The following AKR1C4 variants were observed in gnomAD, a reference collection of about 807,000 sequenced individuals.
AKR1C4 encodes the protein aldo-keto reductase family 1 member C4.
AKR1C4 carries 44 observed loss-of-function variants against 41.0 expected under a neutral mutation model. That is an observed-to-expected ratio of 1.07 (90% confidence interval 0.84 to 1.38). The LOEUF (loss-of-function observed/expected upper bound fraction) is 1.38, where lower values mean the gene tolerates loss of function less well. Ranked by LOEUF, AKR1C4 falls within the 40% of genes most tolerant of loss-of-function variation. The pLI is 0.00. For missense variants in AKR1C4, 438 were observed against 387.9 expected, an observed-to-expected ratio of 1.13 and a Z score of -1.09; for synonymous variants, 165 against 137.7, an observed-to-expected ratio of 1.20 and a Z score of -1.39.
intron 1 of AKR1C4, among the ~76,000 whole-genome samples, chr10:5,197,232 A>C (rs1489510219): frequency 6.6e-6 from 1 of 152,248 alleles, no homozygotes; most frequent in Admixed American, 6.5e-5. Flanking sequence ...TATAAAACTC[A>C]ACAGTGAAGA....
intron 5 of AKR1C4, 42 bp from the exon 6 acceptor site, chr10:5,212,574 G>C: frequency 6.5e-7 from 1 of 1,531,748 alleles, no homozygotes; most frequent in East Asian, 2.3e-5. Flanking sequence ...TAACATATCT[G>C]TTTTGAATTA....
chr10:5,198,885 C>T (rs112543235), intron 1 of AKR1C4, among the ~76,000 whole-genome samples: 3 of 146,870 alleles, frequency 2.0e-5, no homozygotes, highest in African/African-American at 7.6e-5. Flanking sequence ...GTCTGTGGTC[C>T]TAGCTATTTG....
At chr10:5,214,786 C>A (rs1832632487) in intron 7 of AKR1C4, among the ~76,000 whole-genome samples, 1 of 151,742 alleles carries the variant, frequency 6.6e-6, no homozygotes, top group East Asian at 1.9e-4. Flanking sequence ...TTATTCTTTT[C>A]CTCTCATTCT....
At chr10:5,205,630 C>A in intron 3 of AKR1C4, 127 bp from the exon 4 acceptor site, 1 of 663,972 alleles carries the variant, frequency 1.5e-6, no homozygotes, top group Non-Finnish European at 2.5e-6. Flanking sequence ...AACACTTGGC[C>A]CACATCACTT....
rs1282206569 is a variant in AKR1C4 at position 5,212,666 on chromosome 10, G to A, written c.621G>A (p.Lys207=). 6 of 1,613,804 alleles carry A rather than the reference G, an allele frequency of 3.7e-6. No homozygotes were observed. Among genetic ancestry groups the A allele is most frequent in the Non-Finnish European group, 5.1e-6 (6 of 1,179,984 alleles). Residue 207 remains lysine (K), a synonymous_variant, in exon 6 of 9, where the codon AAG becomes AAA. Transcript: ENST00000263126. Reference sequence around the variant, plus strand: ...AGAGCAAACTGCTGGATTTCTGCAAGTCAAAAGACATTGTTCTGGTTGCCC... The same window carrying A: ...AGAGCAAACTGCTGGATTTCTGCAAATCAAAAGACATTGTTCTGGTTGCCC... ...LNQSKLLDFC[K]SKDIVLVAHS...
Position 5,204,363 on chromosome 10 carries a change from A to AT in AKR1C4, c.253-10dup, listed in dbSNP as rs1554797238. 6.4e-7 allele frequency: 1 copy of AT among 1,574,156 alleles called. No homozygotes were observed. The highest frequency in any genetic ancestry group is 1.7e-5 in the Admixed American group (1 of 58,548). ...TGTTTTTATTCAACATAAATCCTTT[A>AT]TTTTACCATGCAGCTTTGGTGCACT... On this transcript the variant is annotated splice_polypyrimidine_tract_variant and intron_variant, in intron 2 of 8. Transcript: ENST00000263126.
chr10:5,198,014 T>C (rs1832337865), intron 1 of AKR1C4, among the ~76,000 whole-genome samples: 1 of 152,210 alleles, frequency 6.6e-6, no homozygotes, highest in African/African-American at 2.4e-5. Flanking sequence ...TATATTAAAA[T>C]AGAAAATTGT....
Position 5,209,524 on chromosome 10 carries a change from C to T in AKR1C4, c.571-3092C>T, listed in dbSNP as rs147380807. 2.7e-4 allele frequency among the ~76,000 whole-genome samples: 41 copies of T among 152,128 alleles called. 1 individual carries two copies. Among genetic ancestry groups the T allele is most frequent in the Middle Eastern group, 3.4e-3 (1 of 294 alleles). On this transcript the variant is annotated intron_variant, in intron 5 of 8. Transcript: ENST00000263126. ...AGAAAAAAAATTACTGTAATAATCA[C>T]TATATTAGTCCATTTTCATGCTACT...
At chr10:5,213,212 G>A in intron 7 of AKR1C4, 53 bp downstream of exon 7, 2 of 1,599,410 alleles carry the variant, frequency 1.3e-6, no homozygotes, top group Admixed American at 3.4e-5. Flanking sequence ...TCACACGTGT[G>A]CTTCTTGTAA....
intron 8 of AKR1C4, among the ~76,000 whole-genome samples, chr10:5,217,175 A>C (rs1832668848): frequency 6.6e-6 from 1 of 152,222 alleles, no homozygotes; most frequent in African/African-American, 2.4e-5. Context: ...TTTCTTCCAA[A>C]TCCACTCAGT....
At chr10:5,216,634 T>C in intron 7 of AKR1C4, 77 bp from the exon 8 acceptor site, 1 of 1,042,692 alleles carries the variant, frequency 9.6e-7, no homozygotes, top group South Asian at 1.4e-5. Flanking sequence ...CTCTACACCC[T>C]ACTGTGTGAT....
At chr10:5,200,541 A>G (rs782612028) in intron 2 of AKR1C4, among the ~76,000 whole-genome samples, 193 bp downstream of exon 2, 4 of 152,218 alleles carry the variant, frequency 2.6e-5, no homozygotes, top group African/African-American at 9.6e-5. Context: ...GTTGTGTTCA[A>G]ATTTACTACT....
In AKR1C4 at chr10:5,200,719, C is replaced by T. The variant is rs141399661; in HGVS notation, c.252+371C>T. 4.0e-3 allele frequency among the ~76,000 whole-genome samples: 609 copies of T among 152,294 alleles called. 4 individuals are homozygous for T. Among genetic ancestry groups the T allele is most frequent in the Middle Eastern group, 0.01 (3 of 294 alleles). ...GTGAAGCTGTCAGGCGATCACTGGA[C>T]ATCGTACTCACTATGTAGGCTTTTA... is the stretch of plus-strand genomic sequence containing the variant. On this transcript the variant is annotated intron_variant, in intron 2 of 8. Coordinates refer to ENST00000263126, the MANE Select transcript of AKR1C4 (RefSeq NM_001818.5).
intron 5 of AKR1C4, among the ~76,000 whole-genome samples, chr10:5,207,002 G>A (rs368712279): frequency 3.0e-4 from 45 of 152,220 alleles, no homozygotes; most frequent in African/African-American, 9.9e-4. Flanking sequence ...AGGATGTGGC[G>A]TGCTACCCCC....
In AKR1C4 at chr10:5,212,806, T is replaced by C. The variant is rs1010734365; in HGVS notation, c.680+81T>C. On this transcript the variant is annotated intron_variant, in intron 6 of 8. Transcript: ENST00000263126. Reference sequence around the variant, plus strand: ...TTATAGCATACTCAGTCTCCTAGAGTTCATTCTCAATGGGTCAGGGTAAGG... The same window carrying C: ...TTATAGCATACTCAGTCTCCTAGAGCTCATTCTCAATGGGTCAGGGTAAGG... 4.7e-6 allele frequency: 7 copies of C among 1,481,782 alleles called. No individual in the cohort carries two copies. In the African/African-American group the frequency reaches 7.0e-5, roughly 15 times the overall value. The allele number at this position is 1,481,782 out of a possible 1,614,324, so 91.8% of individuals were successfully genotyped here.
At chr10:5,209,411 ATT>A (rs113847472) in intron 5 of AKR1C4, among the ~76,000 whole-genome samples, 23 of 152,236 alleles carry the variant, frequency 1.5e-4, no homozygotes, top group African/African-American at 5.1e-4. Context: ...TTATAAAAAA[ATT>A]TTTTTCACAA....
intron 4 of AKR1C4, among the ~76,000 whole-genome samples, chr10:5,206,045 A>G (rs1554797447): frequency 6.6e-6 from 1 of 152,212 alleles, no homozygotes; most frequent in Non-Finnish European, 1.5e-5. Flanking sequence ...AGGAAGACAG[A>G]TATTCCTCCC....
intron 1 of AKR1C4, 87 bp from the exon 2 acceptor site, chr10:5,200,094 C>A: frequency 6.6e-7 from 1 of 1,523,854 alleles, no homozygotes; most frequent in Non-Finnish European, 8.9e-7. Flanking sequence ...CCCCACTGCA[C>A]ACCCTGTGAG....
At chr10:5,197,474 C>T (rs1445557247) in intron 1 of AKR1C4, among the ~76,000 whole-genome samples, 3 of 152,112 alleles carry the variant, frequency 2.0e-5, no homozygotes, top group African/African-American at 7.2e-5. Flanking sequence ...TAATACAATG[C>T]CCTGCACAAC....
Sources: gnomAD v4.1 joint callset for allele counts (sites outside exome capture counted in the v4.1 genomes callset) on GRCh38, gnomAD v4.1.1 for gene constraint, MANE v1.5 for transcripts, NCBI Gene and HGNC (gene_info 2026-07-23, HGNC 2026-07-21) for gene names.